TNNI3K: variants seen among roughly 807,000 people sequenced by gnomAD.
TNNI3K encodes the protein serine/threonine-protein kinase TNNI3K.
TNNI3K carries 140 observed loss-of-function variants against 114.5 expected under a neutral mutation model. That is an observed-to-expected ratio of 1.22 (90% CI 1.07 to 1.41). TNNI3K has a LOEUF of 1.41. Among genes scored for constraint, TNNI3K ranks in the 40% most tolerant of loss-of-function variants. TNNI3K has a pLI of 0.00. For synonymous variants in TNNI3K, 347 were observed against 347.5 expected (o/e 1.00, Z 0.02); for missense variants, 1,125 against 1,007.6 (o/e 1.12, Z -1.58).
rs925518170 is a variant in TNNI3K, at chr1:74,543,928, C to T, written c.2454C>T (p.Ser818=). The T allele has an allele frequency of 1.9e-6, 3 of 1,613,484 alleles. No individual in the cohort carries two copies. The East Asian group carries it at 6.7e-5, about 36-fold the overall frequency. The part of the protein sequence containing the change: ...DKYGYVSDPM[S]SMHFHSCRNS... ...CAGGCTATGTATCCGATCCCATGAGCTCAATGCATTTTCATTCTTGCCGAA... is the reference window on the plus strand; with the variant it reads ...CAGGCTATGTATCCGATCCCATGAGTTCAATGCATTTTCATTCTTGCCGAA... Residue 818 remains serine, a synonymous_variant, in exon 25 of 25, where the codon AGC becomes AGT. Coordinates refer to ENST00000326637, the MANE Select transcript of TNNI3K (RefSeq NM_015978.3).
rs1207492287 is a variant in TNNI3K at position 74,533,241 on chromosome 1, A to T, written c.2352-6993A>T. Among the ~76,000 whole-genome samples, 3 of 152,364 alleles carry T rather than the reference A, an allele frequency of 2.0e-5. No homozygotes were observed. In the East Asian group the frequency reaches 5.8e-4, roughly 29 times the overall value. On this transcript the variant is annotated intron_variant, in intron 23 of 24. Transcript: ENST00000326637. ...AAAAAAACAAACATCCCCATCAAAAAGTGGGCAAAGGACATGAACAGACAC... is the reference window on the plus strand; with the variant it reads ...AAAAAAACAAACATCCCCATCAAAATGTGGGCAAAGGACATGAACAGACAC...
intron 17 of TNNI3K, among the ~76,000 whole-genome samples, chr1:74,377,793 G>GCCTA (rs1044383841): frequency 2.0e-5 from 3 of 151,970 alleles, no homozygotes; most frequent in African/African-American, 7.2e-5. Flanking sequence ...CTCCCAAGGA[G>GCCTA]CCTAGCACAG....
intron 5 of TNNI3K, among the ~76,000 whole-genome samples, chr1:74,306,801 T>C (rs189895796): frequency 2.0e-5 from 3 of 152,324 alleles, no homozygotes; most frequent in Admixed American, 1.3e-4. Flanking sequence ...TTTTCCACAT[T>C]CTGTAGGTTG....
chr1:74,434,493 A>C (rs1666034507), intron 17 of TNNI3K, among the ~76,000 whole-genome samples: 1 of 151,906 alleles, frequency 6.6e-6, no homozygotes, highest in African/African-American at 2.4e-5. Flanking sequence ...AAGTCTCAGC[A>C]CATATTTATA....
chr1:74,476,513 T>C (rs910660240), intron 21 of TNNI3K, among the ~76,000 whole-genome samples: 2 of 152,174 alleles, frequency 1.3e-5, no homozygotes, highest in African/African-American at 4.8e-5. Flanking sequence ...CTTTTAGTCC[T>C]GTTCAACATT....
At chr1:74,259,211 A>G (rs1435069074) in intron 4 of TNNI3K, among the ~76,000 whole-genome samples, 1 of 152,194 alleles carries the variant, frequency 6.6e-6, no homozygotes. Context: ...AAGTCCCACG[A>G]TCTTCCGTCT....
chr1:74,275,880 A>G (rs911081759), intron 5 of TNNI3K, among the ~76,000 whole-genome samples: 2 of 152,144 alleles, frequency 1.3e-5, no homozygotes, highest in Non-Finnish European at 2.9e-5. Flanking sequence ...TTAAGAGATT[A>G]GTAGAACACA....
At chr1:74,397,921 C>A (rs1174653098) in intron 17 of TNNI3K, among the ~76,000 whole-genome samples, 1 of 152,212 alleles carries the variant, frequency 6.6e-6, no homozygotes. Flanking sequence ...TATAGTGATT[C>A]CAAATATTCC....
rs1031977169 is a variant in TNNI3K at position 74,446,463 on chromosome 1, G to C, written c.2011+6841G>C. Reference sequence around the variant, plus strand: ...TAGCCCTTTGTCAGATGAGTAGGTTGCGAAAATTTTCTCCCATTTTGTAGG... The same window carrying C: ...TAGCCCTTTGTCAGATGAGTAGGTTCCGAAAATTTTCTCCCATTTTGTAGG... On this transcript the variant is annotated intron_variant, in intron 20 of 24. Coordinates refer to ENST00000326637, the MANE Select transcript of TNNI3K (RefSeq NM_015978.3). Among the ~76,000 whole-genome samples the C allele has an allele frequency of 5.3e-4, 79 of 149,186 alleles. 2 individuals carry two copies. The East Asian group carries it at 0.015, about 28-fold the overall frequency.
At chr1:74,237,884 TA>T (rs1653952590) in intron 2 of TNNI3K, among the ~76,000 whole-genome samples, 1 of 151,992 alleles carries the variant, frequency 6.6e-6, no homozygotes, top group Admixed American at 6.6e-5. Flanking sequence ...GTGTGCCGAA[TA>T]ATATTAACTC....
chr1:74,532,041 T>C (rs533247527), intron 23 of TNNI3K, among the ~76,000 whole-genome samples: 1 of 152,302 alleles, frequency 6.6e-6, no homozygotes, highest in Admixed American at 6.5e-5. Flanking sequence ...CCTGAAGTCT[T>C]TAATCACACT....
intron 5 of TNNI3K, among the ~76,000 whole-genome samples, chr1:74,299,656 T>C (rs1161820716): frequency 3.9e-5 from 6 of 152,106 alleles, no homozygotes; most frequent in African/African-American, 1.4e-4. Context: ...AGTCACCCTA[T>C]TGAATGTGAG....
intron 5 of TNNI3K, among the ~76,000 whole-genome samples, chr1:74,305,946 G>A (rs761067254): frequency 7.2e-5 from 11 of 152,068 alleles, no homozygotes; most frequent in Non-Finnish European, 1.5e-4. Context: ...TAATGCTTGG[G>A]TTTGGGCTAC....
chr1:74,416,616 T>G (rs1362573970), intron 17 of TNNI3K: 8 of 927,044 alleles, frequency 8.6e-6, no homozygotes, highest in Non-Finnish European at 1.0e-5. Context: ...TCCTCTTCTA[T>G]TCATTATTTT....
chr1:74,290,558 A>G (rs1657615745), intron 5 of TNNI3K, among the ~76,000 whole-genome samples: 2 of 151,948 alleles, frequency 1.3e-5, no homozygotes, highest in South Asian at 4.1e-4. Context: ...ATTAAATCAA[A>G]ACAGTGCATG....
intron 17 of TNNI3K, among the ~76,000 whole-genome samples, chr1:74,426,004 T>A (rs1665621558): frequency 6.6e-6 from 1 of 151,806 alleles, no homozygotes; most frequent in Non-Finnish European, 1.5e-5. Context: ...TCAGTGAATT[T>A]AAAAAAAAAT....
intron 23 of TNNI3K, among the ~76,000 whole-genome samples, chr1:74,534,648 A>G (rs1299959381): frequency 6.6e-6 from 1 of 152,162 alleles, no homozygotes; most frequent in Non-Finnish European, 1.5e-5. Flanking sequence ...GCTTAACAAT[A>G]TATCTCTTTG....
chr1:74,349,703 A>G (rs1661223803), intron 9 of TNNI3K, among the ~76,000 whole-genome samples: 4 of 151,658 alleles, frequency 2.6e-5, no homozygotes, highest in South Asian at 2.1e-4. Context: ...GTCTTGGGAG[A>G]GTGTATGTGT....
chr1:74,299,451 C>T (rs45623236), intron 5 of TNNI3K, among the ~76,000 whole-genome samples: 4,868 of 152,108 alleles, frequency 0.032, 113 homozygotes, highest in Non-Finnish European at 0.05. Context: ...TCCATGCCAA[C>T]AGTATATCAT....
Sources: gnomAD v4.1 joint callset for allele counts (sites outside exome capture counted in the v4.1 genomes callset) on GRCh38, gnomAD v4.1.1 for gene constraint, MANE v1.5 for transcripts, NCBI Gene and HGNC (gene_info 2026-07-23, HGNC 2026-07-21) for gene names.